Variants in GALNT13 observed in about 807,000 individuals in gnomAD.
The protein encoded by GALNT13 is UDP-GalNAc:polypeptide N-acetylgalactosaminyltransferase 13.
Under a neutral mutation model 64.2 loss-of-function variants are expected in GALNT13, and 28 were observed. That is an observed-to-expected ratio of 0.44 (90% CI 0.32 to 0.60). The LOEUF (loss-of-function observed/expected upper bound fraction) is 0.60, where lower values mean the gene tolerates loss of function less well. Among genes scored for constraint, GALNT13 ranks in the 20% least tolerant of loss-of-function variants. GALNT13 has a pLI of 0.05. For missense variants in GALNT13, 577 were observed against 669.8 expected (o/e 0.86, Z 1.53); for synonymous variants, 214 against 224.6 (o/e 0.95, Z 0.42).
chr2:153,651,974 G>A, the GALNT13 span, among the ~76,000 whole-genome samples: 1 of 152,130 alleles, frequency 6.6e-6, no homozygotes, highest in South Asian at 2.1e-4. Context: ...TGACCTGTAA[G>A]CTTCCCGGGT....
At chr2:154,410,136 G>A (rs1023912279) in intron 11 of GALNT13, among the ~76,000 whole-genome samples, 1 of 151,770 alleles carries the variant, frequency 6.6e-6, no homozygotes, top group Non-Finnish European at 1.5e-5. Flanking sequence ...GGAGGAAGAG[G>A]ATAGAAACAA....
At chr2:153,291,142 G>T in the GALNT13 span, among the ~76,000 whole-genome samples, 1 of 152,188 alleles carries the variant, frequency 6.6e-6, no homozygotes, top group Non-Finnish European at 1.5e-5. Context: ...GTGGCCACTA[G>T]TCCTAATCAT....
At chr2:154,297,789 A>G (rs1693012689) in intron 8 of GALNT13, among the ~76,000 whole-genome samples, 1 of 152,092 alleles carries the variant, frequency 6.6e-6, no homozygotes, top group South Asian at 2.1e-4. Context: ...GATATGTTCT[A>G]GTTTTATTTA....
the GALNT13 span, among the ~76,000 whole-genome samples, chr2:153,690,291 G>A: frequency 2.6e-5 from 4 of 152,068 alleles, no homozygotes; most frequent in African/African-American, 9.7e-5. Context: ...ATAAGTGCTG[G>A]ATATTGTTTT....
chr2:153,118,606 C>A, the GALNT13 span, among the ~76,000 whole-genome samples: 2 of 151,916 alleles, frequency 1.3e-5, no homozygotes. Flanking sequence ...GCTGTAGGGT[C>A]AAGGAGAGCC....
the GALNT13 span, among the ~76,000 whole-genome samples, chr2:153,684,093 C>T: frequency 2.0e-5 from 3 of 148,878 alleles, no homozygotes; most frequent in Admixed American, 2.0e-4. Flanking sequence ...TATATATATC[C>T]CAGGCCATGG....
chr2:153,593,641 T>G, the GALNT13 span, among the ~76,000 whole-genome samples: 1 of 152,040 alleles, frequency 6.6e-6, no homozygotes, highest in African/African-American at 2.4e-5. Context: ...GGTGTAGGGG[T>G]TTAGGAAAGA....
the GALNT13 span, among the ~76,000 whole-genome samples, chr2:153,847,557 T>C: frequency 1.3e-5 from 2 of 151,872 alleles, no homozygotes; most frequent in South Asian, 2.1e-4. Context: ...TTGGAATCAA[T>C]TGCAAAGAGA....
the GALNT13 span, among the ~76,000 whole-genome samples, chr2:153,805,167 G>A: frequency 6.6e-6 from 1 of 151,814 alleles, no homozygotes; most frequent in Non-Finnish European, 1.5e-5. Context: ...AGGAGGAAAT[G>A]AGAACAATTG....
chr2:154,258,148 C>A (rs1690479300), intron 7 of GALNT13, among the ~76,000 whole-genome samples: 1 of 152,112 alleles, frequency 6.6e-6, no homozygotes, highest in African/African-American at 2.4e-5. Flanking sequence ...CTACAATCTT[C>A]TTTTTAACCT....
chr2:153,901,794 G>A (rs542733653), intron 2 of GALNT13, among the ~76,000 whole-genome samples: 14 of 152,272 alleles, frequency 9.2e-5, no homozygotes, highest in African/African-American at 3.1e-4. Context: ...AATGCTATTT[G>A]ATTAGAGAAA....
intron 3 of GALNT13, among the ~76,000 whole-genome samples, chr2:154,051,918 T>A (rs1699642538): frequency 2.6e-5 from 4 of 152,212 alleles, no homozygotes; most frequent in Admixed American, 2.6e-4. Flanking sequence ...GATATTCCTT[T>A]GTGAAAGACT....
At chr2:153,938,980 G>C (rs1691145276) in intron 2 of GALNT13, among the ~76,000 whole-genome samples, 1 of 152,110 alleles carries the variant, frequency 6.6e-6, no homozygotes, top group East Asian at 1.9e-4. Context: ...ATTGGAGTGA[G>C]AGAGGGCGTA....
the GALNT13 span, among the ~76,000 whole-genome samples, chr2:153,687,950 T>G: frequency 2.6e-5 from 4 of 151,986 alleles, no homozygotes; most frequent in Non-Finnish European, 5.9e-5. Flanking sequence ...ATATTTCATA[T>G]TTACAGGAAT....
chr2:154,267,278 T>C (rs1691064388), intron 8 of GALNT13, among the ~76,000 whole-genome samples: 1 of 152,178 alleles, frequency 6.6e-6, no homozygotes, highest in Non-Finnish European at 1.5e-5. Context: ...ATTCCTTAGA[T>C]ATGACACCAA....
intron 12 of GALNT13, among the ~76,000 whole-genome samples, chr2:154,449,494 T>A (rs946003515): frequency 6.8e-6 from 1 of 148,128 alleles, no homozygotes; most frequent in African/African-American, 2.5e-5. Flanking sequence ...AAAAAAAGTA[T>A]CTAGAGTGCT....
the GALNT13 span, among the ~76,000 whole-genome samples, chr2:153,161,485 T>G: frequency 7.9e-5 from 12 of 152,006 alleles, no homozygotes; most frequent in African/African-American, 2.9e-4. Flanking sequence ...AAAACATAGA[T>G]CAAAGTAAGG....
At chr2:154,153,705 G>T (rs1265283778) in intron 4 of GALNT13, among the ~76,000 whole-genome samples, 1 of 152,188 alleles carries the variant, frequency 6.6e-6, no homozygotes, top group Non-Finnish European at 1.5e-5. Context: ...AGCAATCAGC[G>T]AGACTCCATG....
At chr2:153,943,289 T>C (rs1691470585) in intron 2 of GALNT13, among the ~76,000 whole-genome samples, 1 of 152,116 alleles carries the variant, frequency 6.6e-6, no homozygotes, top group African/African-American at 2.4e-5. Context: ...TTTTAAATCA[T>C]TTATGTTAAT....
Sources: allele counts gnomAD v4.1 joint callset (sites outside exome capture counted in the v4.1 genomes callset), GRCh38; gene constraint gnomAD v4.1.1; transcripts MANE v1.5; gene names NCBI Gene and HGNC (gene_info 2026-07-23, HGNC 2026-07-21).